Variants in TASOR2 observed in about 807,000 individuals in gnomAD.
The protein encoded by TASOR2 is transcription activation suppressor family member 2.
Under a neutral mutation model 199.5 loss-of-function variants are expected in TASOR2, and 84 were observed. The observed-to-expected ratio is 0.42, with a 90% CI of 0.35 to 0.50. The LOEUF (loss-of-function observed/expected upper bound fraction) is 0.50, where lower values mean the gene tolerates loss of function less well. Among genes scored for constraint, TASOR2 ranks in the 20% least tolerant of loss-of-function variants. The pLI, the probability that TASOR2 is intolerant of heterozygous loss-of-function variation, is 0.02. For missense variants in TASOR2, 2,796 were observed against 2,835.9 expected, an observed-to-expected ratio of 0.99 and a Z score of 0.32; for synonymous variants, 1,103 against 1,046.6, an observed-to-expected ratio of 1.05 and a Z score of -1.04.
At chr10:5,721,519 ATGTGT>A in intron 6 of TASOR2, among the ~76,000 whole-genome samples, 1 of 152,272 alleles carries the variant, frequency 6.6e-6, no homozygotes, top group South Asian at 2.1e-4. Flanking sequence ...GTGAAAACTG[ATGTGT>A]TGTGAGGATT....
In TASOR2 at chr10:5,740,402, G is replaced by T; in HGVS notation, c.2232G>T (p.Lys744Asn). 6.2e-7 allele frequency: 1 copy of T among 1,614,180 alleles called. No individual in the cohort carries two copies. The highest frequency in any genetic ancestry group is 8.5e-7 in the Non-Finnish European group (1 of 1,180,034). The change falls in exon 13 of 21, where the codon AAG becomes AAT. Residue 744 changes from lysine (K) to asparagine (N), a missense_variant. Coordinates refer to ENST00000328090, the Ensembl canonical transcript of TASOR2. This position sits in a 1 kb window ranked among gnomAD's most constrained non-coding sequence, Gnocchi z 5.3. ...TGCTTAGCTGTGATGACTCCGTTAAGATCACTTTCAAATGTGAAACAGAAT... is the reference window on the plus strand; with the variant it reads ...TGCTTAGCTGTGATGACTCCGTTAATATCACTTTCAAATGTGAAACAGAAT...
In TASOR2 at chr10:5,747,944, AT is replaced by A; in HGVS notation, c.4524del (p.His1508GlnfsTer18). The A allele has an allele frequency of 6.2e-7, 1 of 1,613,856 alleles. No individual in the cohort carries two copies. Among genetic ancestry groups the A allele is most frequent in the Non-Finnish European group, 8.5e-7 (1 of 1,180,040 alleles). On this transcript the variant is annotated frameshift_variant, in exon 15 of 21. Transcript: ENST00000328090. LOFTEE classifies it high-confidence loss of function. Reference sequence around the variant, plus strand: ...ACTGAGGAAATTGTCTCAAGTGAGCATGATGAGGGTTTATCTTTCTCAGGAA... The same window carrying A: ...ACTGAGGAAATTGTCTCAAGTGAGCAGATGAGGGTTTATCTTTCTCAGGAA...
intron 1 of TASOR2, among the ~76,000 whole-genome samples, chr10:5,711,064 GAGCAAA>G (rs1831847539): frequency 6.6e-6 from 1 of 152,056 alleles, no homozygotes; most frequent in Non-Finnish European, 1.5e-5. Context: ...AAGTGAAACT[GAGCAAA>G]AGTAAAAGTA....
Position 5,748,418 on chromosome 10 carries a change from C to T in TASOR2, c.4997C>T (p.Thr1666Ile), listed in dbSNP as rs550488996. ...CTTTGTTCTTCCTCAGACAATGCTA[C>T]ATTAACCCATTATGTAAGACCAATA... is the stretch of plus-strand genomic sequence containing the variant. The change falls in exon 15 of 21, where the codon ACA becomes ATA. Residue 1666 changes from threonine to isoleucine, a missense_variant. This residue lies in a region of TASOR2 where 1,941 missense variants were observed against 1,924.9 expected (regional missense o/e 1.01). Coordinates refer to ENST00000328090, the Ensembl canonical transcript of TASOR2. The surrounding 1 kb of genome is among the most constrained non-coding windows in gnomAD (Gnocchi z 5.1). The T allele has an allele frequency of 4.7e-5, 76 of 1,614,104 alleles. No homozygotes were observed. Among genetic ancestry groups the T allele is most frequent in the Admixed American group, 6.7e-5 (4 of 60,006 alleles).
At chr10:5,735,026 T>C (rs1835378757) in intron 11 of TASOR2, among the ~76,000 whole-genome samples, 1 of 152,124 alleles carries the variant, frequency 6.6e-6, no homozygotes, top group South Asian at 2.1e-4. Flanking sequence ...TTTTTCTTTT[T>C]TTTTCAGTTG....
At chr10:5,763,063 T>G in exon 21 of TASOR2, 1 of 1,608,364 alleles carries the variant, frequency 6.2e-7, no homozygotes, top group Non-Finnish European at 8.5e-7. Flanking sequence ...ATATGGATGA[T>G]GCCAATAAAA....
intron 11 of TASOR2, among the ~76,000 whole-genome samples, 195 bp from the exon 13 acceptor site, chr10:5,735,109 A>G (rs1835389596): frequency 6.6e-6 from 1 of 151,948 alleles, no homozygotes; most frequent in Non-Finnish European, 1.5e-5. Context: ...GCAAGTTCAT[A>G]TTATATTTAT....
chr10:5,727,584 A>C (rs1291632073), intron 10 of TASOR2, among the ~76,000 whole-genome samples: 1 of 152,212 alleles, frequency 6.6e-6, no homozygotes, highest in Non-Finnish European at 1.5e-5. Flanking sequence ...CATACAGTGC[A>C]TAAACAGATA....
At chr10:5,727,417 C>G (rs1160042056) in intron 10 of TASOR2, among the ~76,000 whole-genome samples, 1 of 152,162 alleles carries the variant, frequency 6.6e-6, no homozygotes, top group Non-Finnish European at 1.5e-5. Flanking sequence ...TTGCCATCGT[C>G]TCTCCTGTAA....
exon 10 of TASOR2, chr10:5,727,112 C>A: frequency 6.2e-7 from 1 of 1,613,972 alleles, no homozygotes; most frequent in East Asian, 2.2e-5. Flanking sequence ...TTTCGTTCAC[C>A]CCTGTCAACA....
intron 2 of TASOR2, among the ~76,000 whole-genome samples, chr10:5,716,358 TAATTA>T (rs1832632480): frequency 6.6e-6 from 1 of 152,172 alleles, no homozygotes; most frequent in Non-Finnish European, 1.5e-5. Flanking sequence ...TGGGTGGACA[TAATTA>T]TATATATCTT....
chr10:5,704,026 C>T (rs1357253932), intron 1 of TASOR2, among the ~76,000 whole-genome samples: 2 of 151,720 alleles, frequency 1.3e-5, no homozygotes, highest in South Asian at 2.1e-4. Context: ...GAGTTTGAGA[C>T]CAGCCTGGCC....
chr10:5,749,289 G>T (rs767423335), exon 15 of TASOR2: 5 of 1,614,214 alleles, frequency 3.1e-6, no homozygotes, highest in African/African-American at 1.3e-5. Context: ...ACTGTGGCCT[G>T]CCCAGCTCCT....
intron 12 of TASOR2, 139 bp from the exon 14 acceptor site, chr10:5,739,479 C>G (rs941382257): frequency 2.6e-6 from 2 of 766,032 alleles, no homozygotes; most frequent in Non-Finnish European, 2.0e-6. Flanking sequence ...AGACCTTAAT[C>G]TAATAGAAAA....
rs371923266 is a variant in TASOR2 at position 5,748,271 on chromosome 10, A to G, written c.4850A>G (p.His1617Arg). Residue 1617 changes from histidine (H) to arginine (R), a missense_variant, in exon 15 of 21, where the codon CAT (histidine) becomes CGT (arginine). Around this residue, in one of 3 missense-constraint regions of TASOR2, gnomAD observed 1,941 missense variants for 1,924.9 expected, o/e 1.01. Transcript: ENST00000328090. This position sits in a 1 kb window ranked among gnomAD's most constrained non-coding sequence, Gnocchi z 5.1. ...ACTAGCCCTAAAAGCAGTCAGAACC[A>G]TCTCTTTCCCGGTGATTTGAAAACA... 2 of 1,614,116 alleles carry G rather than the reference A, an allele frequency of 1.2e-6. No individual in the cohort carries two copies. The highest frequency in any genetic ancestry group is 1.7e-6 in the Non-Finnish European group (2 of 1,179,968).
At position 5,701,088 on chromosome 10, in the gene TASOR2, G is replaced by A. The variant is rs914442843; in HGVS notation, c.-287-11735G>A. Among the ~76,000 whole-genome samples the A allele has an allele frequency of 6.6e-6, 1 of 151,972 alleles. No homozygotes were observed. Among genetic ancestry groups the A allele is most frequent in the Non-Finnish European group, 1.5e-5 (1 of 67,974 alleles). ...TAGTATCCTGGAGTGTTTTCCCAGT[G>A]TTTTCTTCTGGTAGTTTCATAGTTT... On this transcript the variant is annotated intron_variant, in intron 1 of 20. Transcript: ENST00000328090. The surrounding 1 kb of genome is among the most constrained non-coding windows in gnomAD (Gnocchi z 4.9).
intron 13 of TASOR2, among the ~76,000 whole-genome samples, chr10:5,741,516 A>G (rs1186879124): frequency 6.6e-6 from 1 of 152,198 alleles, no homozygotes; most frequent in Non-Finnish European, 1.5e-5. Context: ...ATGGTACTCC[A>G]GCGATCTGCC....
At position 5,710,812 on chromosome 10, in the gene TASOR2, C is replaced by CT. The variant is rs879930133; in HGVS notation, c.-287-2005dup. 1.3e-5 allele frequency among the ~76,000 whole-genome samples: 2 copies of CT among 151,910 alleles called. No homozygotes were observed. The highest frequency in any genetic ancestry group is 4.8e-5 in the African/African-American group (2 of 41,378). ...GTAATTCAATTTTGAAACTTTCTTG[C>CT]TTTTTTATAAATATCAAATATAAAG... On this transcript the variant is annotated intron_variant, in intron 1 of 20. Transcript: ENST00000328090. This position sits in a 1 kb window ranked among gnomAD's most constrained non-coding sequence, Gnocchi z 4.6.
chr10:5,700,016 C>G (rs1837609860), intron 1 of TASOR2, among the ~76,000 whole-genome samples: 1 of 152,084 alleles, frequency 6.6e-6, no homozygotes, highest in African/African-American at 2.4e-5. Context: ...TACAGTCAAC[C>G]TACTGATCTA....
Sources: allele counts gnomAD v4.1 joint callset (sites outside exome capture counted in the v4.1 genomes callset), GRCh38; gene constraint gnomAD v4.1.1; regional missense constraint gnomAD v4.1.1; non-coding constraint Gnocchi (gnomAD v3.1); transcripts MANE v1.5; gene names NCBI Gene and HGNC (gene_info 2026-07-23, HGNC 2026-07-21).